The following PTPRD variants were observed in gnomAD, a reference collection of about 807,000 sequenced individuals.
PTPRD encodes the protein receptor-type tyrosine-protein phosphatase delta.
In PTPRD, 34 loss-of-function variants were observed where a neutral mutation model predicts 214.5. The observed-to-expected ratio is 0.16, with a 90% confidence interval of 0.12 to 0.21. The LOEUF is 0.21. PTPRD is among the 10% of genes least tolerant of loss of function. The pLI is 1.00. For synonymous variants in PTPRD, 1,128 were observed against 845.7 expected (o/e 1.33, Z -5.79); for missense variants, 2,545 against 2,398.7 (o/e 1.06, Z -1.27).
At position 8,807,386 on chromosome 9, in the gene PTPRD, A is replaced by G. The variant is rs536543592; in HGVS notation, c.-103-73440T>C. ...AGTAAGGCTTTAAAAAGATGAAAAT[A>G]GAAGCTGGGAGTTTTCACAGACTCC... On this transcript the variant is annotated intron_variant, in intron 11 of 45. Coordinates refer to ENST00000381196, the MANE Select transcript of PTPRD (RefSeq NM_002839.4). 5.9e-5 allele frequency among the ~76,000 whole-genome samples: 9 copies of G among 152,316 alleles called. No individual in the cohort carries two copies. In the South Asian group the frequency reaches 1.9e-3, roughly 32 times the overall value.
chr9:8,918,561 G>C (rs1397116310), intron 11 of PTPRD, among the ~76,000 whole-genome samples: 1 of 152,132 alleles, frequency 6.6e-6, no homozygotes, highest in East Asian at 1.9e-4. Flanking sequence ...GAGAGTGTGT[G>C]TGTATGTGCG....
chr9:10,076,798 T>G (rs1178646887), intron 3 of PTPRD, among the ~76,000 whole-genome samples: 2 of 152,136 alleles, frequency 1.3e-5, no homozygotes, highest in Non-Finnish European at 2.9e-5. Flanking sequence ...TTTCCAATCT[T>G]ATATCCTTCC....
At chr9:8,821,917 T>C (rs551067705) in intron 11 of PTPRD, among the ~76,000 whole-genome samples, 116 of 152,158 alleles carry the variant, frequency 7.6e-4, no homozygotes, top group African/African-American at 2.7e-3. Context: ...CCCACCTCGG[T>C]CTCTCAAAGC....
At chr9:10,517,051 G>T in intron 2 of PTPRD, among the ~76,000 whole-genome samples, 1 of 151,474 alleles carries the variant, frequency 6.6e-6, no homozygotes, top group South Asian at 2.1e-4. Flanking sequence ...GTGGATTCAG[G>T]GTCATTTGTA....
chr9:8,745,618 T>C lies in PTPRD; in HGVS notation c.-103-11672A>G, dbSNP rs190902776. ...CCTGTTATTATGTACCTGTGTATCTTAGAGTAAAAGTTTATAGACGTGCTT... is the reference window on the plus strand; with the variant it reads ...CCTGTTATTATGTACCTGTGTATCTCAGAGTAAAAGTTTATAGACGTGCTT... On this transcript the variant is annotated intron_variant, in intron 11 of 45. Coordinates refer to ENST00000381196, the MANE Select transcript of PTPRD (RefSeq NM_002839.4). Among the ~76,000 whole-genome samples the C allele has an allele frequency of 9.8e-5, 15 of 152,286 alleles. No homozygotes were observed. The East Asian group carries it at 2.5e-3, about 25-fold the overall frequency.
chr9:9,287,286 C>T (rs1266361850), intron 9 of PTPRD, among the ~76,000 whole-genome samples: 1 of 151,608 alleles, frequency 6.6e-6, no homozygotes, highest in Non-Finnish European at 1.5e-5. Context: ...ATGTGCTAGC[C>T]CCATTTAAAA....
At chr9:9,174,971 G>T (rs370215850) in intron 10 of PTPRD, among the ~76,000 whole-genome samples, 202 of 152,000 alleles carry the variant, frequency 1.3e-3, no homozygotes, top group African/African-American at 4.6e-3. Flanking sequence ...TCAGGAATGG[G>T]ATTAATATCA....
chr9:8,399,524 T>C (rs921246756), intron 36 of PTPRD, among the ~76,000 whole-genome samples: 8 of 152,098 alleles, frequency 5.3e-5, no homozygotes, highest in Admixed American at 3.9e-4. Flanking sequence ...CTTTATTCAG[T>C]ATATTTCCCA....
intron 35 of PTPRD, among the ~76,000 whole-genome samples, chr9:8,432,093 T>C (rs529258536): frequency 6.6e-6 from 1 of 152,234 alleles, no homozygotes; most frequent in African/African-American, 2.4e-5. Flanking sequence ...GGCGCCAGCC[T>C]AAGATTTTGT....
At chr9:8,325,927 G>C (rs532372286) in intron 44 of PTPRD, among the ~76,000 whole-genome samples, 1 of 152,180 alleles carries the variant, frequency 6.6e-6, no homozygotes, top group Admixed American at 6.5e-5. Context: ...TTTGTATCCT[G>C]AGACTTTCCT....
chr9:8,733,314 T>G (rs2098680273), intron 12 of PTPRD, among the ~76,000 whole-genome samples: 1 of 152,072 alleles, frequency 6.6e-6, no homozygotes. Flanking sequence ...AACAGTACAT[T>G]AGAACAGCTG....
chr9:10,198,411 T>C (rs1191045008), intron 3 of PTPRD, among the ~76,000 whole-genome samples: 3 of 152,076 alleles, frequency 2.0e-5, no homozygotes. Flanking sequence ...CTTACAACCA[T>C]TGGCCAAGTA....
intron 3 of PTPRD, among the ~76,000 whole-genome samples, chr9:10,216,466 T>C (rs563184408): frequency 6.6e-6 from 1 of 152,128 alleles, no homozygotes; most frequent in Non-Finnish European, 1.5e-5. Flanking sequence ...AAAAGATCAA[T>C]TAACTATGGT....
At chr9:9,141,616 A>G (rs930281510) in intron 10 of PTPRD, among the ~76,000 whole-genome samples, 4 of 151,704 alleles carry the variant, frequency 2.6e-5, no homozygotes, top group African/African-American at 9.6e-5. Context: ...AATCTCCGGG[A>G]ACAGTGCACA....
At chr9:9,888,356 T>C (rs2071784449) in intron 5 of PTPRD, among the ~76,000 whole-genome samples, 1 of 152,178 alleles carries the variant, frequency 6.6e-6, no homozygotes, top group Admixed American at 6.5e-5. Context: ...TATAGAGGAC[T>C]ACTGCCATCA....
chr9:8,709,273 G>A (rs1051892608), intron 12 of PTPRD, among the ~76,000 whole-genome samples: 9 of 152,066 alleles, frequency 5.9e-5, no homozygotes, highest in Non-Finnish European at 1.2e-4. Flanking sequence ...CCAGCACTTT[G>A]GGAGGCTGAG....
intron 9 of PTPRD, among the ~76,000 whole-genome samples, chr9:9,221,903 T>G (rs1360581699): frequency 6.6e-6 from 1 of 152,034 alleles, no homozygotes; most frequent in African/African-American, 2.4e-5. Flanking sequence ...ATTAGAAATA[T>G]AGACTCTGAA....
chr9:8,773,853 T>C (rs1599353944), intron 11 of PTPRD, among the ~76,000 whole-genome samples: 1 of 152,216 alleles, frequency 6.6e-6, no homozygotes, highest in African/African-American at 2.4e-5. Context: ...TCTAGAACTC[T>C]CTTTTCTGCC....
At chr9:9,078,986 A>C (rs1569531933) in intron 10 of PTPRD, among the ~76,000 whole-genome samples, 1 of 152,062 alleles carries the variant, frequency 6.6e-6, no homozygotes, top group Non-Finnish European at 1.5e-5. Context: ...TTCAATACTC[A>C]TGATGTATAG....
Sources: gnomAD v4.1 joint callset for allele counts (sites outside exome capture counted in the v4.1 genomes callset) on GRCh38, gnomAD v4.1.1 for gene constraint, MANE v1.5 for transcripts, NCBI Gene and HGNC (gene_info 2026-07-23, HGNC 2026-07-21) for gene names.